Variants in CELF2 observed in about 807,000 individuals in gnomAD.
The protein encoded by CELF2 is CUG triplet repeat RNA-binding protein 2.
In CELF2, 8 loss-of-function variants were observed where a neutral mutation model predicts 62.6. The ratio of observed to expected loss-of-function variants is 0.13; its 90% confidence interval spans 0.07 to 0.23. CELF2 has a LOEUF of 0.23. Ranked by LOEUF, CELF2 falls within the 10% of genes least tolerant of loss-of-function variation. CELF2 has a pLI of 1.00. For synonymous variants in CELF2, 258 were observed against 250.0 expected, an observed-to-expected ratio of 1.03 and a Z score of -0.30; for missense variants, 333 against 671.0, an observed-to-expected ratio of 0.50 and a Z score of 5.56.
intron 1 of CELF2, among the ~76,000 whole-genome samples, chr10:11,036,456 G>A (rs975925801): frequency 1.3e-5 from 2 of 152,170 alleles, no homozygotes; most frequent in African/African-American, 4.8e-5. Flanking sequence ...ATGGCAACAG[G>A]CTCCTTCAGT....
chr10:10,704,930 T>C, the CELF2 span, among the ~76,000 whole-genome samples: 1 of 151,472 alleles, frequency 6.6e-6, no homozygotes, highest in African/African-American at 2.4e-5. Context: ...GGCTCATGCC[T>C]GTAATCCAAA....
the CELF2 span, among the ~76,000 whole-genome samples, chr10:10,466,904 G>T: frequency 2.0e-5 from 3 of 151,932 alleles, no homozygotes; most frequent in African/African-American, 7.2e-5. Context: ...TCTTAATATT[G>T]AGTTGTAGGA....
rs1040178095 is a variant in CELF2, at chr10:11,276,221, C to T, written c.841+1101C>T. On this transcript the variant is annotated intron_variant, in intron 8 of 12. Coordinates refer to ENST00000633077, the MANE Select transcript of CELF2 (RefSeq NM_001326342.2). ...CTTCTCCCTGGGTGTGGTGTGTGAT[C>T]GGCAGCCCCGCCGTTGTGGCCCGAG... Among the ~76,000 whole-genome samples, 8 of 151,892 alleles carry T rather than the reference C, an allele frequency of 5.3e-5. No homozygotes were observed. In the South Asian group the frequency reaches 1.5e-3, roughly 28 times the overall value.
chr10:10,732,174 C>G, the CELF2 span, among the ~76,000 whole-genome samples: 1 of 152,156 alleles, frequency 6.6e-6, no homozygotes, highest in African/African-American at 2.4e-5. Flanking sequence ...AGGGACTTCT[C>G]TGGGGTCCGG....
chr10:11,091,740 G>A (rs767246376), intron 1 of CELF2, among the ~76,000 whole-genome samples: 1 of 152,146 alleles, frequency 6.6e-6, no homozygotes, highest in East Asian at 1.9e-4. Flanking sequence ...CAGAAAAATG[G>A]GGAAAGGCAA....
intron 2 of CELF2, among the ~76,000 whole-genome samples, chr10:11,186,234 C>T (rs866989314): frequency 2.4e-4 from 37 of 151,048 alleles, no homozygotes; most frequent in African/African-American, 8.3e-4. Context: ...ATTCTTTTTT[C>T]CCTTTGTCTT....
intron 2 of CELF2, among the ~76,000 whole-genome samples, chr10:10,988,277 G>GTATA (rs547530670): frequency 3.4e-5 from 5 of 148,198 alleles, no homozygotes; most frequent in East Asian, 3.9e-4. Flanking sequence ...ATGTGTGTGT[G>GTATA]TATATATATA....
At chr10:10,605,895 A>G in the CELF2 span, among the ~76,000 whole-genome samples, 1 of 152,208 alleles carries the variant, frequency 6.6e-6, no homozygotes, top group Non-Finnish European at 1.5e-5. Context: ...GGCCTAGGAA[A>G]TTGCTGGTCT....
chr10:10,590,191 TC>T, the CELF2 span, among the ~76,000 whole-genome samples: 1 of 152,200 alleles, frequency 6.6e-6, no homozygotes, highest in Non-Finnish European at 1.5e-5. Context: ...GCTTTTATAA[TC>T]TCCCTCTATT....
At chr10:11,204,440 A>T (rs1008100784) in intron 2 of CELF2, among the ~76,000 whole-genome samples, 3 of 152,124 alleles carry the variant, frequency 2.0e-5, no homozygotes, top group Non-Finnish European at 4.4e-5. Context: ...TGAAAAGAAA[A>T]CCATATTGCT....
chr10:10,996,738 C>T (rs1314872994), intron 2 of CELF2, among the ~76,000 whole-genome samples: 2 of 152,130 alleles, frequency 1.3e-5, no homozygotes, highest in Non-Finnish European at 2.9e-5. Context: ...GGATTTGCCC[C>T]GCAGTTCTGG....
intron 12 of CELF2, among the ~76,000 whole-genome samples, chr10:11,326,288 C>CAGT (rs766858362): frequency 1.3e-5 from 2 of 152,224 alleles, no homozygotes. Context: ...TGGTTGTGGG[C>CAGT]AACACCATAT....
At chr10:11,292,295 A>G (rs2092629364) in intron 9 of CELF2, among the ~76,000 whole-genome samples, 2 of 152,210 alleles carry the variant, frequency 1.3e-5, no homozygotes, top group Admixed American at 1.3e-4. Flanking sequence ...TTGTTCAGGC[A>G]TTCCCTGCTC....
chr10:10,748,561 G>T, the CELF2 span, among the ~76,000 whole-genome samples: 37 of 151,492 alleles, frequency 2.4e-4, no homozygotes, highest in African/African-American at 8.5e-4. Flanking sequence ...ATCCTGGCTA[G>T]CACAGTGAAA....
intron 1 of CELF2, among the ~76,000 whole-genome samples, chr10:10,846,892 C>A (rs1209271023): frequency 6.6e-6 from 1 of 152,160 alleles, no homozygotes; most frequent in East Asian, 1.9e-4. Context: ...GATGTGAACA[C>A]TTCCATGTGA....
At chr10:10,902,720 A>G (rs1481151094) in intron 1 of CELF2, among the ~76,000 whole-genome samples, 5 of 151,208 alleles carry the variant, frequency 3.3e-5, no homozygotes, top group Non-Finnish European at 1.5e-5. Flanking sequence ...CTGTACTTTA[A>G]GTGGGTGTAG....
chr10:10,482,046 A>T, the CELF2 span, among the ~76,000 whole-genome samples: 676 of 152,358 alleles, frequency 4.4e-3, 7 homozygotes, highest in African/African-American at 0.016. Context: ...GGTTAGCATG[A>T]TAGAAATTGC....
chr10:10,802,633 C>G (rs931687735), intron 1 of CELF2, among the ~76,000 whole-genome samples: 1 of 152,182 alleles, frequency 6.6e-6, no homozygotes, highest in African/African-American at 2.4e-5. Context: ...TGCATAAGCC[C>G]TAAGTCACCT....
At chr10:10,891,953 T>C (rs1201598158) in intron 1 of CELF2, among the ~76,000 whole-genome samples, 1 of 152,226 alleles carries the variant, frequency 6.6e-6, no homozygotes. Flanking sequence ...AACCATTCAC[T>C]CTTGAGCAGC....
Sources: allele counts gnomAD v4.1 joint callset (sites outside exome capture counted in the v4.1 genomes callset), GRCh38; gene constraint gnomAD v4.1.1; transcripts MANE v1.5; gene names NCBI Gene and HGNC (gene_info 2026-07-23, HGNC 2026-07-21).